The following GJA1 variants were observed in gnomAD, a reference collection of about 807,000 sequenced individuals.
GJA1 encodes the protein gap junction protein alpha 1.
A neutral mutation model predicts 31.0 loss-of-function variants in GJA1; 9 were observed. The observed-to-expected ratio is 0.29, with a 90% CI of 0.17 to 0.51. The LOEUF (loss-of-function observed/expected upper bound fraction) is 0.51, where lower values mean the gene tolerates loss of function less well. GJA1 is among the 20% of genes least tolerant of loss of function. The pLI, the probability that GJA1 is intolerant of heterozygous loss-of-function variation, is 0.98. For missense variants in GJA1, 278 were observed against 468.8 expected, an observed-to-expected ratio of 0.59 and a Z score of 3.76; for synonymous variants, 186 against 180.1, an observed-to-expected ratio of 1.03 and a Z score of -0.26.
In GJA1 at chr6:121,449,008, CT is replaced by C. The variant is rs375943953; in HGVS notation, c.*1021del. 6 of 165,188 alleles carry C rather than the reference CT, an allele frequency of 3.6e-5. No individual in the cohort carries two copies. Among genetic ancestry groups the C allele is most frequent in the African/African-American group, 7.3e-5 (3 of 41,336 alleles). The allele number at this position is 165,188 out of a possible 1,614,324, so 10.2% of individuals were successfully genotyped here. On this transcript the variant is annotated 3_prime_UTR_variant, in exon 2 of 2. Transcript: ENST00000282561. ...TTCCTGCTGTGGCAAGTAAAGCACA[CT>C]TTTTTTTTCTCCTAAAATGTTTTTC...
chr6:121,440,246 A>T (rs1773747182), intron 1 of GJA1, among the ~76,000 whole-genome samples: 1 of 152,120 alleles, frequency 6.6e-6, no homozygotes, highest in Non-Finnish European at 1.5e-5. Flanking sequence ...TTAACCTGCA[A>T]CAACCTAACA....
chr6:121,446,737 G>A (rs537140624), intron 1 of GJA1, 95 bp from the exon 2 acceptor site: 7 of 854,278 alleles, frequency 8.2e-6, no homozygotes, highest in South Asian at 2.7e-5. Flanking sequence ...ACGTGAAACC[G>A]TTGGTAGTAT....
At chr6:121,437,760 A>C (rs1030201616) in intron 1 of GJA1, among the ~76,000 whole-genome samples, 1 of 152,100 alleles carries the variant, frequency 6.6e-6, no homozygotes, top group African/African-American at 2.4e-5. Flanking sequence ...AGAGCTACAC[A>C]ATGTTGTAAA....
intron 1 of GJA1, among the ~76,000 whole-genome samples, chr6:121,443,908 A>T (rs910011044): frequency 1.3e-5 from 2 of 152,208 alleles, no homozygotes; most frequent in African/African-American, 4.8e-5. Flanking sequence ...AGCAGATGAC[A>T]CTGGCAAAAT....
chr6:121,448,202 A>AG lies in GJA1; in HGVS notation c.*208dup, dbSNP rs1404118163. ...TGGGTGGAGAGGGAGGGGATAAGAG[A>AG]GGTGCATGTTGGTATTTAAAGTAGT... On this transcript the variant is annotated 3_prime_UTR_variant, in exon 2 of 2. Transcript: ENST00000282561. 1 of 623,420 alleles carries AG rather than the reference A, an allele frequency of 1.6e-6. No individual in the cohort carries two copies. The highest frequency in any genetic ancestry group is 2.8e-5 in the East Asian group (1 of 35,470). 38.6% of individuals were successfully genotyped at this position (623,420 alleles called of 1,614,324 possible). A position where few individuals can be genotyped will look rare whatever the true frequency, so the allele number is the denominator to read the frequency against.
At chr6:121,446,065 G>A (rs1773884446) in intron 1 of GJA1, among the ~76,000 whole-genome samples, 1 of 152,192 alleles carries the variant, frequency 6.6e-6, no homozygotes, top group East Asian at 1.9e-4. Context: ...GGAGGCTGAG[G>A]TAGATGGATC....
Position 121,440,691 on chromosome 6 carries a change from C to T in GJA1, c.-17+4859C>T, listed in dbSNP as rs1251552847. 2.0e-5 allele frequency among the ~76,000 whole-genome samples: 3 copies of T among 150,700 alleles called. No individual in the cohort carries two copies. The East Asian group carries it at 5.8e-4, about 29-fold the overall frequency. ...GTATCTTTCTATTTTTTGTGGAAGC[C>T]CCATTTAATTCATTTAACATGTAGC... On this transcript the variant is annotated intron_variant, in intron 1 of 1. Coordinates refer to ENST00000282561, the MANE Select transcript of GJA1 (RefSeq NM_000165.5).
Position 121,447,695 on chromosome 6 carries a change from C to T in GJA1, c.848C>T (p.Pro283Leu). 1.9e-6 allele frequency: 3 copies of T among 1,614,124 alleles called. No homozygotes were observed. Among genetic ancestry groups the T allele is most frequent in the Non-Finnish European group, 2.5e-6 (3 of 1,180,028 alleles). Residue 283 changes from proline (P) to leucine (L), a missense_variant, in exon 2 of 2, where the codon CCT (proline) becomes CTT (leucine). Pro to Leu is a moderately conservative substitution (Grantham distance 98, BLOSUM62 -3). Coordinates refer to ENST00000282561, the MANE Select transcript of GJA1 (RefSeq NM_000165.5). ...ACCGCTCCCCTCTCGCCTATGTCTC[C>T]TCCTGGGTACAAGCTGGTTACTGGC... ...SPTAPLSPMSPPGYKLVTGDR... is the reference protein window; with the variant it reads ...SPTAPLSPMSLPGYKLVTGDR...
At chr6:121,443,592 T>A (rs1227830056) in intron 1 of GJA1, among the ~76,000 whole-genome samples, 1 of 152,226 alleles carries the variant, frequency 6.6e-6, no homozygotes, top group Non-Finnish European at 1.5e-5. Context: ...TCATGTATCA[T>A]GAATTTTTTT....
intron 1 of GJA1, among the ~76,000 whole-genome samples, chr6:121,436,885 A>G (rs1773672887): frequency 6.6e-6 from 1 of 152,226 alleles, no homozygotes; most frequent in African/African-American, 2.4e-5. Flanking sequence ...AATTTTTAAA[A>G]TACTTTTATT....
At chr6:121,441,776 G>A (rs1312166914) in intron 1 of GJA1, among the ~76,000 whole-genome samples, 1 of 152,078 alleles carries the variant, frequency 6.6e-6, no homozygotes, top group Non-Finnish European at 1.5e-5. Flanking sequence ...CAAGTAGGGT[G>A]ACCAGGCTAA....
At chr6:121,439,013 G>A (rs552072266) in intron 1 of GJA1, among the ~76,000 whole-genome samples, 6 of 151,104 alleles carry the variant, frequency 4.0e-5, no homozygotes, top group Admixed American at 3.9e-4. Flanking sequence ...TATGTTTATC[G>A]TCAGCTGGGC....
rs561937205 is a variant in GJA1, at chr6:121,448,098, C to T, written c.*102C>T. On this transcript the variant is annotated 3_prime_UTR_variant, in exon 2 of 2. Coordinates refer to ENST00000282561, the MANE Select transcript of GJA1 (RefSeq NM_000165.5). Reference sequence around the variant, plus strand: ...TAATTTTGATCCGGTGGAGGTGGTACTCAACAGCCTTATTCATGAGGCTTA... The same window carrying T: ...TAATTTTGATCCGGTGGAGGTGGTATTCAACAGCCTTATTCATGAGGCTTA... 15 of 1,010,122 alleles carry T rather than the reference C, an allele frequency of 1.5e-5. No homozygotes were observed. The highest frequency in any genetic ancestry group is 7.2e-5 in the East Asian group (3 of 41,658). 62.6% of individuals were successfully genotyped at this position (1,010,122 alleles called of 1,614,324 possible).
chr6:121,445,525 G>T (rs1773872321), intron 1 of GJA1, among the ~76,000 whole-genome samples: 1 of 152,248 alleles, frequency 6.6e-6, no homozygotes, highest in Non-Finnish European at 1.5e-5. Context: ...AAGTTAAATG[G>T]GATGTATAGC....
At chr6:121,437,568 A>G (rs1406468111) in intron 1 of GJA1, among the ~76,000 whole-genome samples, 1 of 151,950 alleles carries the variant, frequency 6.6e-6, no homozygotes, top group African/African-American at 2.4e-5. Flanking sequence ...CGTCCGGGGC[A>G]AGTCAGCCTG....
chr6:121,448,040 G>A lies in GJA1; in HGVS notation c.*44G>A, dbSNP rs777396732. On this transcript the variant is annotated 3_prime_UTR_variant, in exon 2 of 2. Coordinates refer to ENST00000282561, the MANE Select transcript of GJA1 (RefSeq NM_000165.5). ...CAAGATTCCACTCAATTGTGGAGAA[G>A]AAAAAAGGTGCTGTAGAAAGTGCAC... 6.5e-7 allele frequency: 1 copy of A among 1,538,570 alleles called. No individual in the cohort carries two copies. The highest frequency in any genetic ancestry group is 9.0e-7 in the Non-Finnish European group (1 of 1,111,430).
chr6:121,437,500 G>A (rs542489466), intron 1 of GJA1, among the ~76,000 whole-genome samples: 3 of 152,072 alleles, frequency 2.0e-5, no homozygotes, highest in Non-Finnish European at 4.4e-5. Flanking sequence ...CCGAGAATGA[G>A]GCGGGGCGGC....
intron 1 of GJA1, among the ~76,000 whole-genome samples, chr6:121,436,546 G>A (rs1773665762): frequency 1.3e-5 from 2 of 152,172 alleles, no homozygotes; most frequent in Non-Finnish European, 2.9e-5. Flanking sequence ...CCTCAGGAGA[G>A]ACAGCTTTTA....
chr6:121,442,002 C>T (rs1773801792), intron 1 of GJA1, among the ~76,000 whole-genome samples: 1 of 152,152 alleles, frequency 6.6e-6, no homozygotes, highest in Non-Finnish European at 1.5e-5. Flanking sequence ...CATGATTTCC[C>T]TTTCCTCCCA....
Sources: allele counts gnomAD v4.1 joint callset (sites outside exome capture counted in the v4.1 genomes callset), GRCh38; gene constraint gnomAD v4.1.1; transcripts MANE v1.5; gene names NCBI Gene and HGNC (gene_info 2026-07-23, HGNC 2026-07-21).